The following KLF8 variants were observed in gnomAD, a reference collection of about 807,000 sequenced individuals.
The protein encoded by KLF8 is KLF transcription factor 8.
A neutral mutation model predicts 18.2 loss-of-function variants in KLF8; 10 were observed. That is an observed-to-expected ratio of 0.55 (90% confidence interval 0.34 to 0.93). The LOEUF (loss-of-function observed/expected upper bound fraction) is 0.93, where lower values mean the gene tolerates loss of function less well. Among genes scored for constraint, KLF8 ranks in the 40% least tolerant of loss-of-function variants. The pLI is 0.02. For synonymous variants in KLF8, 109 were observed against 97.3 expected (o/e 1.12, Z -0.71); for missense variants, 264 against 277.9 (o/e 0.95, Z 0.36).
chrX:55,961,390 G>A, the KLF8 span: 1 of 493,725 alleles, frequency 2.0e-6, no homozygotes, highest in African/African-American at 2.3e-5. Flanking sequence ...GATGAATCTG[G>A]GAGTTTGTGT....
At chrX:55,954,914 ATGT>A in the KLF8 span, among the ~76,000 whole-genome samples, 6 of 111,699 alleles carry the variant, frequency 5.4e-5, no homozygotes, top group South Asian at 1.5e-3. Flanking sequence ...AAGAAACCAC[ATGT>A]TGTATGATTC....
chrX:56,258,285 TG>T (rs1232012421), intron 2 of KLF8, among the ~76,000 whole-genome samples: 1 of 112,247 alleles, frequency 8.9e-6, no homozygotes, highest in Non-Finnish European at 1.9e-5. Flanking sequence ...TTGTTGTTGT[TG>T]TTTTGAGATG....
the KLF8 span, among the ~76,000 whole-genome samples, chrX:55,997,246 T>C: frequency 9.0e-6 from 1 of 111,685 alleles, no homozygotes; most frequent in Non-Finnish European, 1.9e-5. Context: ...TTAACAAAGG[T>C]GAAAGGCACC....
the KLF8 span, among the ~76,000 whole-genome samples, chrX:56,088,913 A>G: frequency 5.4e-5 from 6 of 111,934 alleles, no homozygotes; most frequent in Non-Finnish European, 1.1e-4. Context: ...GAAGGGTTGG[A>G]CATGGCAGTC....
At chrX:56,098,839 A>G in the KLF8 span, among the ~76,000 whole-genome samples, 4 of 111,928 alleles carry the variant, frequency 3.6e-5, no homozygotes, top group East Asian at 1.1e-3. Flanking sequence ...GATTACCAAG[A>G]CTCCACCAAA....
the KLF8 span, among the ~76,000 whole-genome samples, chrX:56,110,469 A>C: frequency 5.3e-5 from 6 of 112,150 alleles, no homozygotes; most frequent in African/African-American, 1.9e-4. Context: ...TAATGTGACT[A>C]CTAATCGGAA....
the KLF8 span, among the ~76,000 whole-genome samples, chrX:56,211,624 G>T: frequency 1.8e-5 from 2 of 112,134 alleles, no homozygotes; most frequent in South Asian, 3.7e-4. Context: ...GGGCAATGAG[G>T]TCCCCAGGCC....
the KLF8 span, among the ~76,000 whole-genome samples, chrX:56,217,474 G>A: frequency 9.1e-6 from 1 of 109,883 alleles, no homozygotes; most frequent in Non-Finnish European, 1.9e-5. Flanking sequence ...GAGTGCGGTG[G>A]TGCGATCTTG....
the KLF8 span, among the ~76,000 whole-genome samples, chrX:56,071,107 G>T: frequency 1.8e-5 from 2 of 111,645 alleles, no homozygotes; most frequent in Non-Finnish European, 3.8e-5. Context: ...CATGGGATTG[G>T]CCAATAGCTC....
chrX:56,092,801 T>A, the KLF8 span, among the ~76,000 whole-genome samples: 1 of 105,913 alleles, frequency 9.4e-6, no homozygotes. Context: ...AAGAAGAAAA[T>A]ATGCAAGACT....
At chrX:55,921,049 G>A in the KLF8 span, among the ~76,000 whole-genome samples, 1 of 112,176 alleles carries the variant, frequency 8.9e-6, no homozygotes, top group Non-Finnish European at 1.9e-5. Context: ...TAATTAAAGA[G>A]CTTCTGCACA....
chrX:56,170,505 G>T, the KLF8 span, among the ~76,000 whole-genome samples: 1 of 109,706 alleles, frequency 9.1e-6, no homozygotes, highest in Non-Finnish European at 1.9e-5. Context: ...TAATTTAAAA[G>T]AATCAAGCAG....
chrX:56,003,254 A>T, the KLF8 span, among the ~76,000 whole-genome samples: 5 of 109,590 alleles, frequency 4.6e-5, no homozygotes, highest in African/African-American at 1.7e-4. Context: ...AACAAAAACA[A>T]AAACAAAAAA....
the KLF8 span, among the ~76,000 whole-genome samples, chrX:56,064,588 GTTTC>G: frequency 5.4e-5 from 6 of 111,192 alleles, no homozygotes; most frequent in African/African-American, 2.0e-4. Context: ...TATATTCTTT[GTTTC>G]TTTATTTTTC....
chrX:55,919,087 A>C, the KLF8 span, among the ~76,000 whole-genome samples: 1 of 111,851 alleles, frequency 8.9e-6, no homozygotes, highest in Non-Finnish European at 1.9e-5. Context: ...CAACTCAAAG[A>C]GTCCCAAAAC....
chrX:56,269,596 A>G (rs916786392), intron 4 of KLF8, 107 bp downstream of exon 4: 2 of 1,030,803 alleles, frequency 1.9e-6, no homozygotes, highest in Non-Finnish European at 2.5e-6. Context: ...ACACAAGAGT[A>G]AGAATTTGAG....
chrX:56,244,350 G>A (rs1320550253), intron 1 of KLF8, among the ~76,000 whole-genome samples: 2 of 111,256 alleles, frequency 1.8e-5, no homozygotes, highest in African/African-American at 6.6e-5. Context: ...AACATGCCTG[G>A]CTAATTTTTA....
the KLF8 span, among the ~76,000 whole-genome samples, chrX:56,028,296 G>C: frequency 1.1e-5 from 1 of 94,676 alleles, no homozygotes; most frequent in Non-Finnish European, 1.9e-5. Context: ...CAACAGTTTG[G>C]CTAGCACGCA....
chrX:56,086,196 G>A, the KLF8 span, among the ~76,000 whole-genome samples: 53 of 112,067 alleles, frequency 4.7e-4, no homozygotes, highest in African/African-American at 1.6e-3. Flanking sequence ...AAATTGTCGG[G>A]AAGCAGAAAT....
Sources: allele counts gnomAD v4.1 joint callset (sites outside exome capture counted in the v4.1 genomes callset), GRCh38; gene constraint gnomAD v4.1.1; transcripts MANE v1.5; gene names NCBI Gene and HGNC (gene_info 2026-07-23, HGNC 2026-07-21).